MAGI1: variants seen among roughly 807,000 people sequenced by gnomAD.
MAGI1 encodes membrane associated guanylate kinase, WW and PDZ domain containing 1, also known as membrane-associated guanylate kinase, WW and PDZ domain-containing protein 1.
Under a neutral mutation model 139.9 loss-of-function variants are expected in MAGI1, and 58 were observed. The ratio of observed to expected loss-of-function variants is 0.41; its 90% confidence interval spans 0.34 to 0.52. The LOEUF (loss-of-function observed/expected upper bound fraction) is 0.52, where lower values mean the gene tolerates loss of function less well. Ranked by LOEUF, MAGI1 falls within the 20% of genes least tolerant of loss-of-function variation. The pLI is 0.12. For synonymous variants in MAGI1, 812 were observed against 737.9 expected (o/e 1.10, Z -1.63); for missense variants, 1,874 against 1,901.6 (o/e 0.99, Z 0.27).
chr3:65,711,106 C>G (rs1217380024), intron 1 of MAGI1, among the ~76,000 whole-genome samples: 3 of 152,216 alleles, frequency 2.0e-5, no homozygotes, highest in Admixed American at 1.3e-4. Flanking sequence ...GTCCATTCAA[C>G]AACTAGTCAC....
At position 65,723,076 on chromosome 3, in the gene MAGI1, A is replaced by G. The variant is rs1299268189; in HGVS notation, c.314-100988T>C. Among the ~76,000 whole-genome samples the G allele has an allele frequency of 2.0e-5, 3 of 152,168 alleles. No individual in the cohort carries two copies. The East Asian group carries it at 5.8e-4, about 29-fold the overall frequency. On this transcript the variant is annotated intron_variant, in intron 1 of 22. Transcript: ENST00000402939. The stretch of plus-strand genomic sequence containing the variant: ...ATGGACTTAGGTTGCCCGGACTGTC[A>G]TCATACAGGTCAGAAAAAGATGTCA...
At chr3:65,651,184 G>A (rs887203306) in intron 1 of MAGI1, among the ~76,000 whole-genome samples, 6 of 152,070 alleles carry the variant, frequency 3.9e-5, no homozygotes, top group South Asian at 2.1e-4. Context: ...AGGATCACGC[G>A]TCACACAGTA....
rs1560054046 is a variant in MAGI1, at chr3:65,957,524, AAAAAAAAAAAG to A, written c.313+80461_313+80471del. 9.1e-5 allele frequency among the ~76,000 whole-genome samples: 11 copies of A among 120,332 alleles called. 1 individual carries two copies. The South Asian group carries it at 2.7e-3, about 29-fold the overall frequency. The allele number at this position is 120,332 out of a possible 152,430, so 78.9% of individuals were successfully genotyped here. A position where few individuals can be genotyped will look rare whatever the true frequency, so the allele number is the denominator to read the frequency against. ...CCACAGAGCAAGACTTCATCTCAAA[AAAAAAAAAAAG>A]AAAAAGAAAAGAAAAAGGAATGAAC... On this transcript the variant is annotated intron_variant, in intron 1 of 22. Transcript: ENST00000402939.
chr3:65,489,612 T>G (rs1424348096), intron 3 of MAGI1, among the ~76,000 whole-genome samples: 3 of 152,230 alleles, frequency 2.0e-5, no homozygotes, highest in Admixed American at 2.0e-4. Context: ...GATGTAGAGA[T>G]ATATATATAC....
intron 1 of MAGI1, among the ~76,000 whole-genome samples, chr3:65,721,889 T>A (rs2033073368): frequency 1.3e-5 from 2 of 151,698 alleles, no homozygotes; most frequent in Admixed American, 1.3e-4. Flanking sequence ...ATTCTGGAGG[T>A]CGACTAAGGA....
At chr3:65,406,628 C>T (rs1221188908) in intron 12 of MAGI1, among the ~76,000 whole-genome samples, 1 of 152,158 alleles carries the variant, frequency 6.6e-6, no homozygotes, top group Non-Finnish European at 1.5e-5. Flanking sequence ...TGTCACTAAT[C>T]CACATGTCAC....
intron 12 of MAGI1, among the ~76,000 whole-genome samples, chr3:65,428,993 C>G (rs185422011): frequency 1.1e-4 from 17 of 152,034 alleles, no homozygotes; most frequent in Admixed American, 1.1e-3. Context: ...ATAAAAGCAG[C>G]CAGTGTGGCT....
intron 8 of MAGI1, among the ~76,000 whole-genome samples, chr3:65,442,302 C>G (rs1276757663): frequency 6.6e-6 from 1 of 152,140 alleles, no homozygotes; most frequent in Non-Finnish European, 1.5e-5. Flanking sequence ...TCTCCATTTT[C>G]TCCTCAATCC....
At chr3:65,644,053 G>A (rs897354398) in intron 1 of MAGI1, among the ~76,000 whole-genome samples, 1 of 152,092 alleles carries the variant, frequency 6.6e-6, no homozygotes, top group African/African-American at 2.4e-5. Flanking sequence ...GTAATATGAA[G>A]TCATTCCTCC....
chr3:65,597,026 A>C (rs1286622233), intron 2 of MAGI1, among the ~76,000 whole-genome samples: 1 of 152,022 alleles, frequency 6.6e-6, no homozygotes, highest in Non-Finnish European at 1.5e-5. Context: ...TCCAAAGTGC[A>C]AAGGCATTTG....
At chr3:65,791,071 CA>C (rs369414557) in intron 1 of MAGI1, among the ~76,000 whole-genome samples, 3 of 150,400 alleles carry the variant, frequency 2.0e-5, no homozygotes, top group African/African-American at 2.4e-5. Context: ...CAAGACTCCT[CA>C]AAAAAAAACC....
At chr3:65,767,758 G>T (rs2037608877) in intron 1 of MAGI1, among the ~76,000 whole-genome samples, 1 of 152,154 alleles carries the variant, frequency 6.6e-6, no homozygotes, top group Non-Finnish European at 1.5e-5. Flanking sequence ...CTAAGCTTAG[G>T]AGAAATGACA....
chr3:65,666,922 C>T (rs929308927), intron 1 of MAGI1, among the ~76,000 whole-genome samples: 1 of 152,154 alleles, frequency 6.6e-6, no homozygotes, highest in African/African-American at 2.4e-5. Context: ...GCTTCAATAC[C>T]CTTTCCTCCA....
In MAGI1 at chr3:65,911,018, C is replaced by T. The variant is rs566168120; in HGVS notation, c.313+126978G>A. ...GACTACAGGTGCACGCCAGCACACC[C>T]GGCTAATTTTTGTATTCTGAATAGA... is the stretch of plus-strand genomic sequence containing the variant. On this transcript the variant is annotated intron_variant, in intron 1 of 22. Coordinates refer to ENST00000402939, the MANE Select transcript of MAGI1 (RefSeq NM_001033057.2). Among the ~76,000 whole-genome samples the T allele has an allele frequency of 1.9e-3, 291 of 151,542 alleles. 1 individual carries two copies. Among genetic ancestry groups the T allele is most frequent in the Non-Finnish European group, 3.6e-3 (242 of 67,882 alleles).
chr3:65,464,476 T>C (rs1233748879), intron 5 of MAGI1, among the ~76,000 whole-genome samples: 1 of 152,178 alleles, frequency 6.6e-6, no homozygotes, highest in African/African-American at 2.4e-5. Context: ...TTATCTTTAA[T>C]TTCCCTTGAG....
At chr3:65,667,882 T>G (rs1394114358) in intron 1 of MAGI1, among the ~76,000 whole-genome samples, 1 of 152,150 alleles carries the variant, frequency 6.6e-6, no homozygotes, top group African/African-American at 2.4e-5. Flanking sequence ...ACCAATTTTT[T>G]TTAACACTCC....
intron 2 of MAGI1, among the ~76,000 whole-genome samples, chr3:65,582,374 C>T (rs913069987): frequency 4.6e-5 from 7 of 152,166 alleles, no homozygotes; most frequent in African/African-American, 1.4e-4. Flanking sequence ...ATGTACTCTA[C>T]CTAGTCTCCT....
intron 5 of MAGI1, among the ~76,000 whole-genome samples, chr3:65,465,871 T>G (rs1950134383): frequency 6.6e-6 from 1 of 152,200 alleles, no homozygotes; most frequent in South Asian, 2.1e-4. Flanking sequence ...GATCTTTTGT[T>G]ACTGTTCCAA....
intron 1 of MAGI1, among the ~76,000 whole-genome samples, chr3:65,786,031 C>T (rs1170654625): frequency 1.3e-5 from 2 of 151,548 alleles, no homozygotes; most frequent in Non-Finnish European, 2.9e-5. Context: ...CTGCTCACTG[C>T]TGCAACCTCT....
Sources: allele counts gnomAD v4.1 joint callset (sites outside exome capture counted in the v4.1 genomes callset), GRCh38; gene constraint gnomAD v4.1.1; transcripts MANE v1.5; gene names NCBI Gene and HGNC (gene_info 2026-07-23, HGNC 2026-07-21).